The following TFB1M variants were observed in gnomAD, a reference collection of about 807,000 sequenced individuals.
TFB1M encodes the protein transcription factor B1, mitochondrial, also known as dimethyladenosine transferase 1, mitochondrial.
TFB1M carries 27 observed loss-of-function variants against 31.1 expected under a neutral mutation model. The observed-to-expected ratio is 0.87, with a 90% CI of 0.64 to 1.20. The LOEUF (loss-of-function observed/expected upper bound fraction) is 1.20, where lower values mean the gene tolerates loss of function less well. Among genes scored for constraint, TFB1M ranks in the 50% most tolerant of loss-of-function variants. The pLI, the probability that TFB1M is intolerant of heterozygous loss-of-function variation, is 0.00. For missense variants in TFB1M, 394 were observed against 418.7 expected (o/e 0.94, Z 0.51); for synonymous variants, 166 against 151.8 (o/e 1.09, Z -0.69).
At chr6:155,311,746 C>A (rs1467095078) in intron 1 of TFB1M, among the ~76,000 whole-genome samples, 1 of 152,168 alleles carries the variant, frequency 6.6e-6, no homozygotes, top group African/African-American at 2.4e-5. Flanking sequence ...ATACTAGTTT[C>A]ACATTCAGAA....
At position 155,309,686 on chromosome 6, in the gene TFB1M, G is replaced by A. The variant is rs141574950; in HGVS notation, c.285+1502C>T. Among the ~76,000 whole-genome samples, 1,204 of 152,258 alleles carry A rather than the reference G, an allele frequency of 7.9e-3. 16 individuals are homozygous for A. The highest frequency in any genetic ancestry group is 0.028 in the African/African-American group (1,143 of 41,542). On this transcript the variant is annotated intron_variant, in intron 2 of 6. Coordinates refer to ENST00000367166, the MANE Select transcript of TFB1M (RefSeq NM_016020.4). The stretch of plus-strand genomic sequence containing the variant: ...GTCTTTTTAAGAGCAAAAAAGTCAG[G>A]TGAGTATTCCCTATGTCCAAAAAGG...
chr6:155,251,326 G>T (rs188059178), downstream of TFB1M, among the ~76,000 whole-genome samples: 174 of 152,228 alleles, frequency 1.1e-3, 1 homozygote, highest in African/African-American at 3.9e-3. Flanking sequence ...TGCTCTTGTT[G>T]CCCAGGCTGG....
the TFB1M span, chr6:155,245,644 G>A: frequency 6.2e-7 from 1 of 1,613,984 alleles, no homozygotes; most frequent in Non-Finnish European, 8.5e-7. Flanking sequence ...TTCCCTTGGA[G>A]GCTCTTTCCT....
At chr6:155,262,142 G>A (rs1214953783) in intron 5 of TFB1M, among the ~76,000 whole-genome samples, 1 of 152,128 alleles carries the variant, frequency 6.6e-6, no homozygotes, top group East Asian at 1.9e-4. Flanking sequence ...GGGCTGTGGA[G>A]TGGATGCAGG....
In TFB1M at chr6:155,297,110, G is replaced by A; in HGVS notation, c.395-6C>T. The stretch of plus-strand genomic sequence containing the variant: ...AATATGTACATTTGGAGGATCTGGT[G>A]GCAGAGGAAAAAACAACCTGAAATG... On this transcript the variant is annotated splice_polypyrimidine_tract_variant and splice_region_variant and intron_variant, in intron 3 of 6. Coordinates refer to ENST00000367166, the MANE Select transcript of TFB1M (RefSeq NM_016020.4). The A allele has an allele frequency of 6.2e-7, 1 of 1,612,698 alleles. No homozygotes were observed. The highest frequency in any genetic ancestry group is 8.5e-7 in the Non-Finnish European group (1 of 1,179,788).
Position 155,257,342 on chromosome 6 carries a change from T to A in TFB1M, c.*494A>T, listed in dbSNP as rs1021965802. 16 of 553,046 alleles carry A rather than the reference T, an allele frequency of 2.9e-5. 1 individual carries two copies. In the South Asian group the frequency reaches 3.4e-4, roughly 12 times the overall value. 34.3% of individuals were successfully genotyped at this position (553,046 alleles called of 1,614,324 possible). A position where few individuals can be genotyped will look rare whatever the true frequency, so the allele number is the denominator to read the frequency against. ...CAGAATCTGTAAATTACTTAGTTTA[T>A]ATCCACTTTGAGCAGGTATCAAATG... On this transcript the variant is annotated 3_prime_UTR_variant, in exon 7 of 7. Transcript: ENST00000367166.
chr6:155,292,713 G>T (rs1016391916), intron 4 of TFB1M, among the ~76,000 whole-genome samples: 5 of 152,024 alleles, frequency 3.3e-5, no homozygotes, highest in Non-Finnish European at 7.4e-5. Context: ...GAAATTATCA[G>T]GCTTTCAAAG....
At position 155,256,212 on chromosome 6, in the gene TFB1M, T is replaced by C. The variant is rs1449690348; in HGVS notation, c.*1624A>G. 2 of 577,004 alleles carry C rather than the reference T, an allele frequency of 3.5e-6. No homozygotes were observed. Among genetic ancestry groups the C allele is most frequent in the Non-Finnish European group, 6.1e-6 (2 of 329,972 alleles). 35.7% of individuals were successfully genotyped at this position (577,004 alleles called of 1,614,324 possible). A position where few individuals can be genotyped will look rare whatever the true frequency, so the allele number is the denominator to read the frequency against. Reference sequence around the variant, plus strand: ...TTGGCAAAATAAGAATCTTAGCCCATGTAGTAGTTTCTAGTGTCTAGTTCT... The same window carrying C: ...TTGGCAAAATAAGAATCTTAGCCCACGTAGTAGTTTCTAGTGTCTAGTTCT... On this transcript the variant is annotated 3_prime_UTR_variant, in exon 7 of 7. Transcript: ENST00000367166.
In TFB1M at chr6:155,301,206, T is replaced by G. The variant is rs553684619; in HGVS notation, c.286-2621A>C. Among the ~76,000 whole-genome samples, 66 of 152,290 alleles carry G rather than the reference T, an allele frequency of 4.3e-4. No homozygotes were observed. In the South Asian group the frequency reaches 0.013, roughly 30 times the overall value. On this transcript the variant is annotated intron_variant, in intron 2 of 6. Transcript: ENST00000367166. ...CTCCCCACACTTTAAAAGGTACACCTCCTTCTTGACAATTTGTAGCTTGAT... is the reference window on the plus strand; with the variant it reads ...CTCCCCACACTTTAAAAGGTACACCGCCTTCTTGACAATTTGTAGCTTGAT...
At chr6:155,311,471 T>G in intron 1 of TFB1M, 132 bp from the exon 2 acceptor site, 1 of 772,404 alleles carries the variant, frequency 1.3e-6, no homozygotes, top group Non-Finnish European at 2.2e-6. Flanking sequence ...AATATTTATT[T>G]GACTATTTAA....
intron 5 of TFB1M, 99 bp from the exon 6 acceptor site, chr6:155,260,499 C>T: frequency 4.0e-6 from 6 of 1,504,764 alleles, no homozygotes; most frequent in South Asian, 3.4e-5. Context: ...GGGCTGTCAA[C>T]AGCCTGTTTT....
the TFB1M span, among the ~76,000 whole-genome samples, chr6:155,248,612 A>C: frequency 2.0e-5 from 3 of 152,202 alleles, no homozygotes; most frequent in African/African-American, 4.8e-5. Context: ...CCTTGTGGAG[A>C]TCTCTGAGCA....
At chr6:155,299,308 G>A (rs577887860) in intron 2 of TFB1M, among the ~76,000 whole-genome samples, 5 of 152,030 alleles carry the variant, frequency 3.3e-5, no homozygotes, top group South Asian at 4.2e-4. Context: ...TTTTTCCCTT[G>A]TAGTCTTTTT....
At chr6:155,253,065 G>A (rs372884689), downstream of TFB1M, 14 of 1,605,344 alleles carry the variant, frequency 8.7e-6, no homozygotes, top group African/African-American at 2.7e-5. Flanking sequence ...TAACTGTTTC[G>A]TGCAGTATGA....
rs558732080 is a variant in TFB1M at position 155,297,232 on chromosome 6, A to C, written c.395-128T>G. The C allele has an allele frequency of 9.7e-6, 10 of 1,029,384 alleles. No individual in the cohort carries two copies. In the South Asian group the frequency reaches 1.4e-4, roughly 14 times the overall value. 63.8% of individuals were successfully genotyped at this position (1,029,384 alleles called of 1,614,324 possible). A position where few individuals can be genotyped will look rare whatever the true frequency, so the allele number is the denominator to read the frequency against. On this transcript the variant is annotated intron_variant, in intron 3 of 6. Transcript: ENST00000367166. ...AAAAATATATAAATAGACATGGCTA[A>C]ATTTTTTTTTTCACTTATTATTCAA... is the stretch of plus-strand genomic sequence containing the variant.
At chr6:155,271,798 T>C (rs1784932723) in intron 5 of TFB1M, among the ~76,000 whole-genome samples, 1 of 152,300 alleles carries the variant, frequency 6.6e-6, no homozygotes, top group South Asian at 2.1e-4. Flanking sequence ...TAAAACATTA[T>C]ATTAAAAGAA....
chr6:155,259,398 T>C (rs1403835838), intron 6 of TFB1M, among the ~76,000 whole-genome samples: 2 of 152,266 alleles, frequency 1.3e-5, no homozygotes, highest in Non-Finnish European at 1.5e-5. Context: ...CTCCAGCTTC[T>C]GCCATCTGGC....
At chr6:155,302,309 A>G (rs1010968200) in intron 2 of TFB1M, among the ~76,000 whole-genome samples, 5 of 152,186 alleles carry the variant, frequency 3.3e-5, no homozygotes, top group Non-Finnish European at 7.3e-5. Context: ...AAATATTTGT[A>G]ACAGGGCTGG....
Position 155,256,383 on chromosome 6 carries a change from A to G in TFB1M, c.*1453T>C. On this transcript the variant is annotated 3_prime_UTR_variant, in exon 7 of 7. Transcript: ENST00000367166. ...TTGCTAACTGAAGTCATATCATAAA[A>G]TAAAATCTTAATGTTAAATCTTACA... 1 of 1,529,944 alleles carries G rather than the reference A, an allele frequency of 6.5e-7. No homozygotes were observed. The highest frequency in any genetic ancestry group is 1.4e-5 in the African/African-American group (1 of 72,216). 94.8% of individuals were successfully genotyped at this position (1,529,944 alleles called of 1,614,324 possible). A position where few individuals can be genotyped will look rare whatever the true frequency, so the allele number is the denominator to read the frequency against.
Sources: allele counts gnomAD v4.1 joint callset (sites outside exome capture counted in the v4.1 genomes callset), GRCh38; gene constraint gnomAD v4.1.1; transcripts MANE v1.5; gene names NCBI Gene and HGNC (gene_info 2026-07-23, HGNC 2026-07-21).